Variants in SLC5A4 observed in about 807,000 individuals in gnomAD.
SLC5A4 encodes the protein solute carrier family 5 member 4.
Under a neutral mutation model 70.3 loss-of-function variants are expected in SLC5A4, and 55 were observed. That is an observed-to-expected ratio of 0.78 (90% CI 0.63 to 0.98). SLC5A4 has a LOEUF of 0.98. SLC5A4 is among the 50% of genes least tolerant of loss of function. The pLI, the probability that SLC5A4 is intolerant of heterozygous loss-of-function variation, is 0.00. For synonymous variants in SLC5A4, 268 were observed against 305.7 expected (o/e 0.88, Z 1.29); for missense variants, 735 against 839.2 (o/e 0.88, Z 1.53).
the SLC5A4 span, among the ~76,000 whole-genome samples, chr22:32,345,455 G>A: frequency 6.6e-6 from 1 of 152,090 alleles, no homozygotes; most frequent in South Asian, 2.1e-4. Context: ...TTAAAAATAC[G>A]TAGTTTGCAA....
At chr22:32,263,134 T>G in the SLC5A4 span, among the ~76,000 whole-genome samples, 2 of 150,118 alleles carry the variant, frequency 1.3e-5, no homozygotes, top group Non-Finnish European at 2.9e-5. Context: ...GCCTGCTGAG[T>G]AGCTACAAGC....
At chr22:32,322,274 C>T in the SLC5A4 span, among the ~76,000 whole-genome samples, 1 of 152,204 alleles carries the variant, frequency 6.6e-6, no homozygotes, top group Non-Finnish European at 1.5e-5. Context: ...AAACTTACAA[C>T]AGGGTGGCCA....
chr22:32,271,047 G>C, the SLC5A4 span: 17 of 568,380 alleles, frequency 3.0e-5, 1 homozygote, highest in East Asian at 7.3e-5. Context: ...ATGCTGTGTG[G>C]GGATTTGGGA....
intron 8 of SLC5A4, 35 bp downstream of exon 8, chr22:32,234,838 A>G (rs1324607980): frequency 4.1e-6 from 6 of 1,452,592 alleles, no homozygotes; most frequent in Non-Finnish European, 5.8e-6. Flanking sequence ...AGACAGACAG[A>G]CAGACAGACA....
At chr22:32,302,636 T>C in the SLC5A4 span, among the ~76,000 whole-genome samples, 1 of 152,190 alleles carries the variant, frequency 6.6e-6, no homozygotes. Context: ...TTGGCAAATA[T>C]GTGTGGGTCT....
At chr22:32,241,161 T>C (rs7287853) in intron 5 of SLC5A4, among the ~76,000 whole-genome samples, 64,179 of 152,174 alleles carry the variant, frequency 0.42, 14,550 homozygotes, top group African/African-American at 0.57. Flanking sequence ...GTTAGACATC[T>C]CCACATAGCC....
At chr22:32,271,048 G>T in the SLC5A4 span, 1 of 569,258 alleles carries the variant, frequency 1.8e-6, no homozygotes, top group East Asian at 3.6e-5. Flanking sequence ...TGCTGTGTGG[G>T]GATTTGGGAT....
At chr22:32,305,670 A>G in the SLC5A4 span, among the ~76,000 whole-genome samples, 1 of 131,074 alleles carries the variant, frequency 7.6e-6, no homozygotes, top group Non-Finnish European at 1.6e-5. Flanking sequence ...GTTCAGCGTG[A>G]GGGACACACG....
upstream of SLC5A4, among the ~76,000 whole-genome samples, chr22:32,258,601 G>A (rs535505391): frequency 6.6e-6 from 1 of 152,312 alleles, no homozygotes; most frequent in African/African-American, 2.4e-5. Context: ...TATCAAGGAT[G>A]TGGAGAAATT....
the SLC5A4 span, among the ~76,000 whole-genome samples, chr22:32,327,861 T>C: frequency 6.6e-6 from 1 of 152,184 alleles, no homozygotes; most frequent in Non-Finnish European, 1.5e-5. Flanking sequence ...CTCTGCACTC[T>C]GAGGAATGCT....
Position 32,229,246 on chromosome 22 carries a change from A to G in SLC5A4, c.1228T>C (p.Tyr410His). Residue 410 changes from tyrosine (Y) to histidine (H), a missense_variant, in exon 11 of 15, where the codon TAC becomes CAC. Coordinates refer to ENST00000266086, the MANE Select transcript of SLC5A4 (RefSeq NM_014227.3). ...GACGCTTGCTTCCGCATCTTGGTGT[A>G]GAGGTCAATGGTGAAGAGGGTGCTG... ...SASTLFTIDL[Y>H]TKMRKQASEK... is the part of the protein sequence containing the mutation. The G allele has an allele frequency of 1.2e-6, 2 of 1,614,168 alleles. No homozygotes were observed. Among genetic ancestry groups the G allele is most frequent in the Non-Finnish European group, 1.7e-6 (2 of 1,180,010 alleles).
the SLC5A4 span, among the ~76,000 whole-genome samples, chr22:32,307,613 A>C: frequency 6.6e-6 from 1 of 152,282 alleles, no homozygotes; most frequent in East Asian, 1.9e-4. Flanking sequence ...ACTGCTTAAC[A>C]TTTGAGCTTT....
At chr22:32,254,096 GCA>G (rs751350359) in intron 2 of SLC5A4, 44 bp downstream of exon 2, 3 of 1,456,232 alleles carry the variant, frequency 2.1e-6, no homozygotes, top group Non-Finnish European at 2.9e-6. Context: ...TCAGTTTTAA[GCA>G]CACACACAGG....
At chr22:32,324,199 A>G in the SLC5A4 span, among the ~76,000 whole-genome samples, 1 of 152,134 alleles carries the variant, frequency 6.6e-6, no homozygotes, top group Non-Finnish European at 1.5e-5. Flanking sequence ...TTGCTTCATT[A>G]CTTTTTATAC....
chr22:32,248,770 G>T lies in SLC5A4; in HGVS notation c.345C>A (p.Ile115=), dbSNP rs2145696728. ...CCGACTTGATGTAGATAGGGACAAA[G>T]ATCCACCCAAGAATCAGCAACATTA... is the stretch of plus-strand genomic sequence containing the variant. The part of the protein sequence containing the change: ...SSVMLLILGW[I]FVPIYIKSGV... The change falls in exon 4 of 15, where the codon ATC becomes ATA. Residue 115 remains isoleucine (I), a synonymous_variant. Transcript: ENST00000266086. 6.2e-7 allele frequency: 1 copy of T among 1,613,236 alleles called. No individual in the cohort carries two copies. Among genetic ancestry groups the T allele is most frequent in the Non-Finnish European group, 8.5e-7 (1 of 1,179,226 alleles).
chr22:32,293,010 C>T, the SLC5A4 span, among the ~76,000 whole-genome samples: 4 of 152,110 alleles, frequency 2.6e-5, no homozygotes, highest in Non-Finnish European at 4.4e-5. Flanking sequence ...TGGCTTTTAT[C>T]ATTATGAAAT....
upstream of SLC5A4, among the ~76,000 whole-genome samples, chr22:32,256,532 A>G (rs929264249): frequency 8.5e-5 from 13 of 152,172 alleles, no homozygotes; most frequent in African/African-American, 3.1e-4. Flanking sequence ...GAACTTTTTC[A>G]TCATCTCCAA....
In SLC5A4 at chr22:32,229,339, G is replaced by A. The variant is rs754133867; in HGVS notation, c.1135C>T (p.Arg379Ter). 51 of 1,613,962 alleles carry A rather than the reference G, an allele frequency of 3.2e-5. No homozygotes were observed. The East Asian group carries it at 7.6e-4, about 24-fold the overall frequency. The change falls in exon 11 of 15, where the codon CGA (arginine) becomes TGA (stop). Residue 379 changes from arginine to a stop codon, truncating the protein, a stop_gained. Transcript: ENST00000266086. LOFTEE classifies it high-confidence loss of function. ...AGCATGACCGAAAGCATCAGGCCTC[G>A]CAGTCCTGGAGCCGGGAAAGGGTAC... ...MVLELMPQGL[R>*]GLMLSVMLAS... is the part of the protein sequence containing the mutation.
At chr22:32,265,675 A>G in the SLC5A4 span, among the ~76,000 whole-genome samples, 1 of 152,196 alleles carries the variant, frequency 6.6e-6, no homozygotes, top group Admixed American at 6.5e-5. Flanking sequence ...CCCCCTCTCT[A>G]CTAAAAATAC....
Sources: gnomAD v4.1 joint callset for allele counts (sites outside exome capture counted in the v4.1 genomes callset) on GRCh38, gnomAD v4.1.1 for gene constraint, MANE v1.5 for transcripts, NCBI Gene and HGNC (gene_info 2026-07-23, HGNC 2026-07-21) for gene names.